The following METTL14 variants were observed in gnomAD, a reference collection of about 807,000 sequenced individuals.
The protein encoded by METTL14 is N(6)-adenosine-methyltransferase non-catalytic subunit METTL14.
In METTL14, 32 loss-of-function variants were observed where a neutral mutation model predicts 62.4. That is an observed-to-expected ratio of 0.51 (90% CI 0.39 to 0.69). METTL14 has a LOEUF of 0.69. METTL14 is among the 30% of genes least tolerant of loss of function. The pLI is 0.00. For missense variants in METTL14, 340 were observed against 551.9 expected (o/e 0.62, Z 3.85); for synonymous variants, 150 against 180.0 (o/e 0.83, Z 1.34).
rs138290615 is a variant in METTL14 at position 118,694,348 on chromosome 4, T to A, written c.413-88T>A. On this transcript the variant is annotated intron_variant, in intron 5 of 10. Coordinates refer to ENST00000388822, the MANE Select transcript of METTL14 (RefSeq NM_020961.4). ...GAGTCAAGTGGCATGTGTATTATTT[T>A]GTTTTCTTGGGAGGGCTCATAACTT... The A allele has an allele frequency of 1.8e-3, 1,605 of 910,714 alleles. 22 individuals are homozygous for A. The African/African-American group carries it at 0.024, about 14-fold the overall frequency. The allele number at this position is 910,714 out of a possible 1,614,324, so 56.4% of individuals were successfully genotyped here.
intron 5 of METTL14, among the ~76,000 whole-genome samples, chr4:118,693,113 C>T (rs1007563127): frequency 1.3e-5 from 2 of 152,104 alleles, no homozygotes; most frequent in African/African-American, 4.8e-5. Context: ...TTACTAACAA[C>T]GTATGATGGT....
intron 7 of METTL14, among the ~76,000 whole-genome samples, chr4:118,698,661 G>A (rs1724497808): frequency 6.6e-6 from 1 of 151,984 alleles, no homozygotes; most frequent in Non-Finnish European, 1.5e-5. Context: ...ATAACTCAGG[G>A]TTTCTATCTT....
intron 3 of METTL14, 55 bp from the exon 4 acceptor site, chr4:118,691,477 G>A: frequency 1.1e-6 from 1 of 900,956 alleles, no homozygotes; most frequent in Non-Finnish European, 1.7e-6. Flanking sequence ...ATCAGGATGT[G>A]ATAGAGAAAT....
At chr4:118,706,000 A>G (rs901353533) in intron 10 of METTL14, among the ~76,000 whole-genome samples, 179 bp downstream of exon 10, 1 of 152,204 alleles carries the variant, frequency 6.6e-6, no homozygotes, top group African/African-American at 2.4e-5. Flanking sequence ...AGACTTTTCC[A>G]TATACCTGCT....
rs559578969 is a variant in METTL14, at chr4:118,713,117, C to G, written c.*2815C>G. ...ATCAAGCAGGAGTGTGGCATGGCAA[C>G]CAACTCACAGATCCAGAGTTGAGAG... On this transcript the variant is annotated 3_prime_UTR_variant, in exon 11 of 11. Coordinates refer to ENST00000388822, the MANE Select transcript of METTL14 (RefSeq NM_020961.4). 40 of 152,238 alleles carry G rather than the reference C, an allele frequency of 2.6e-4. No homozygotes were observed. The highest frequency in any genetic ancestry group is 9.2e-4 in the African/African-American group (38 of 41,528). 9.4% of individuals were successfully genotyped at this position (152,238 alleles called of 1,614,324 possible).
intron 9 of METTL14, among the ~76,000 whole-genome samples, chr4:118,704,829 T>G (rs1367987647): frequency 3.9e-5 from 6 of 152,206 alleles, no homozygotes; most frequent in African/African-American, 1.4e-4. Flanking sequence ...TGATCTAACC[T>G]GAGGAAGAGG....
chr4:118,705,659 G>A lies in METTL14; in HGVS notation c.904G>A (p.Gly302Arg), dbSNP rs755748754. Residue 302 changes from glycine to arginine, a missense_variant, in exon 10 of 11, where the codon GGG becomes AGG. Coordinates refer to ENST00000388822, the MANE Select transcript of METTL14 (RefSeq NM_020961.4). ...IKGTVKRSTD[G>R]DFIHANVDID... ...AGGAACTGTGAAGCGTAGCACAGAC[G>A]GGGACTTCATTCATGCTAATGTTGA... 5.0e-6 allele frequency: 8 copies of A among 1,613,998 alleles called. No homozygotes were observed. Among genetic ancestry groups the A allele is most frequent in the African/African-American group, 2.7e-5 (2 of 74,902 alleles).
In METTL14 at chr4:118,712,801, C is replaced by T. The variant is rs1724961728; in HGVS notation, c.*2499C>T. On this transcript the variant is annotated 3_prime_UTR_variant, in exon 11 of 11. Coordinates refer to ENST00000388822, the MANE Select transcript of METTL14 (RefSeq NM_020961.4). Reference sequence around the variant, plus strand: ...CCAAACCAACTGTTGTTATTTATTTCCAGTGAGAACCATTTTCCCACTGAC... The same window carrying T: ...CCAAACCAACTGTTGTTATTTATTTTCAGTGAGAACCATTTTCCCACTGAC... The T allele has an allele frequency of 6.6e-6, 1 of 152,088 alleles. No homozygotes were observed. Among genetic ancestry groups the T allele is most frequent in the Non-Finnish European group, 1.5e-5 (1 of 68,028 alleles). 9.4% of individuals were successfully genotyped at this position (152,088 alleles called of 1,614,324 possible). A position where few individuals can be genotyped will look rare whatever the true frequency, so the allele number is the denominator to read the frequency against.
intron 10 of METTL14, among the ~76,000 whole-genome samples, chr4:118,709,434 T>C (rs1310424250): frequency 1.3e-5 from 2 of 152,154 alleles, no homozygotes; most frequent in Non-Finnish European, 2.9e-5. Flanking sequence ...ACAGTATATA[T>C]GTGTGTCTGT....
chr4:118,687,789 TTGTGTG>T (rs58763837), intron 1 of METTL14, 128 bp from the exon 2 acceptor site: 50 of 578,490 alleles, frequency 8.6e-5, no homozygotes, highest in South Asian at 3.2e-4. Context: ...ATTCATTGTT[TTGTGTG>T]TGTGTGTGTG....
intron 2 of METTL14, among the ~76,000 whole-genome samples, chr4:118,689,053 T>G (rs1724163636): frequency 6.6e-6 from 1 of 152,212 alleles, no homozygotes; most frequent in South Asian, 2.1e-4. Context: ...CAAAATTTTT[T>G]CGCTATTCTA....
chr4:118,697,141 A>AT lies in METTL14; in HGVS notation c.504-34dup. On this transcript the variant is annotated intron_variant, in intron 6 of 10. Transcript: ENST00000388822. ...TACTTGAAAATCTTATTTAAAAAGC[A>AT]TTTTTTTAAAAACCTCATTTTTAAT... is the stretch of plus-strand genomic sequence containing the variant. The AT allele has an allele frequency of 4.0e-6, 6 of 1,498,376 alleles. No individual in the cohort carries two copies. In the East Asian group the frequency reaches 6.9e-5, roughly 17 times the overall value. 92.8% of individuals were successfully genotyped at this position (1,498,376 alleles called of 1,614,324 possible). A position where few individuals can be genotyped will look rare whatever the true frequency, so the allele number is the denominator to read the frequency against.
rs1724012227 is a variant in METTL14, at chr4:118,685,436, T to G, written c.-99T>G. 2 of 1,205,266 alleles carry G rather than the reference T, an allele frequency of 1.7e-6. No individual in the cohort carries two copies. The highest frequency in any genetic ancestry group is 1.5e-5 in the African/African-American group (1 of 67,184). The allele number at this position is 1,205,266 out of a possible 1,614,324, so 74.7% of individuals were successfully genotyped here. A position where few individuals can be genotyped will look rare whatever the true frequency, so the allele number is the denominator to read the frequency against. On this transcript the variant is annotated 5_prime_UTR_variant, in exon 1 of 11. Coordinates refer to ENST00000388822, the MANE Select transcript of METTL14 (RefSeq NM_020961.4). ...CTATGAGGATACTCTGTTCGTAAGC[T>G]CCCGGTGAATTTTGTTCCACAGACT...
At chr4:118,698,317 G>A (rs1289324172) in intron 7 of METTL14, among the ~76,000 whole-genome samples, 7 of 151,846 alleles carry the variant, frequency 4.6e-5, no homozygotes, top group African/African-American at 1.7e-4. Flanking sequence ...GCCGGGTGTG[G>A]TGGCACGTAC....
At chr4:118,691,723 A>G (rs952644959) in intron 4 of METTL14, 111 bp downstream of exon 4, 5 of 607,530 alleles carry the variant, frequency 8.2e-6, no homozygotes, top group Non-Finnish European at 1.4e-5. Flanking sequence ...TTGAGGGATC[A>G]TTGTTATAAA....
intron 8 of METTL14, among the ~76,000 whole-genome samples, chr4:118,701,191 TTG>T (rs1491057405): frequency 1.4e-5 from 2 of 147,240 alleles, no homozygotes; most frequent in Non-Finnish European, 3.0e-5. Flanking sequence ...TTGTTTTTTT[TTG>T]TTTTTTTGAG....
chr4:118,685,558 C>T lies in METTL14; in HGVS notation c.24C>T (p.Ile8=), dbSNP rs774873634. 1.2e-6 allele frequency: 2 copies of T among 1,614,176 alleles called. No homozygotes were observed. Among genetic ancestry groups the T allele is most frequent in the Non-Finnish European group, 1.7e-6 (2 of 1,180,028 alleles). MDSRLQE[I]RERQKLRRQL... ...ACATGGATAGCCGCTTGCAGGAGAT[C>T]CGGGAGCGGCAGAAGTTACGGCGAC... Residue 8 remains isoleucine (I), a synonymous_variant, in exon 1 of 11, where the codon ATC becomes ATT. Coordinates refer to ENST00000388822, the MANE Select transcript of METTL14 (RefSeq NM_020961.4).
chr4:118,700,675 A>G, intron 8 of METTL14, 33 bp downstream of exon 8: 6 of 1,463,480 alleles, frequency 4.1e-6, no homozygotes, highest in African/African-American at 1.4e-5. Flanking sequence ...TGGATTTTTA[A>G]ATTAATAAGA....
intron 1 of METTL14, chr4:118,686,821 A>G (rs1451866678): frequency 1.3e-5 from 4 of 314,482 alleles, no homozygotes; most frequent in Non-Finnish European, 1.3e-5. Context: ...TACACTCAGC[A>G]GATGCCAGGG....
Sources: allele counts gnomAD v4.1 joint callset (sites outside exome capture counted in the v4.1 genomes callset), GRCh38; gene constraint gnomAD v4.1.1; transcripts MANE v1.5; gene names NCBI Gene and HGNC (gene_info 2026-07-23, HGNC 2026-07-21).